The following PIK3CG variants were observed in gnomAD, a reference collection of about 807,000 sequenced individuals.
PIK3CG encodes the protein phosphatidylinositol 4,5-bisphosphate 3-kinase catalytic subunit gamma isoform.
In PIK3CG, 55 loss-of-function variants were observed where a neutral mutation model predicts 102.3. The observed-to-expected ratio is 0.54, with a 90% CI of 0.43 to 0.67. PIK3CG has a LOEUF of 0.67. Ranked by LOEUF, PIK3CG falls within the 30% of genes least tolerant of loss-of-function variation. The pLI is 0.00. For missense variants in PIK3CG, 1,258 were observed against 1,391.8 expected (o/e 0.90, Z 1.53); for synonymous variants, 552 against 540.0 (o/e 1.02, Z -0.31).
At position 106,884,778 on chromosome 7, in the gene PIK3CG, G is replaced by A. The variant is rs545748450; in HGVS notation, c.2872+512G>A. On this transcript the variant is annotated intron_variant, in intron 9 of 10. Coordinates refer to ENST00000496166, the MANE Select transcript of PIK3CG (RefSeq NM_001282426.2). This position sits in a 1 kb window ranked among gnomAD's most constrained non-coding sequence, Gnocchi z 4.2. ...TCAATTTTCACTTGCCACTCACTGA[G>A]AGGGTTTTGATATGTAAGGAATTGA... 6.6e-6 allele frequency among the ~76,000 whole-genome samples: 1 copy of A among 152,234 alleles called. No individual in the cohort carries two copies. The highest frequency in any genetic ancestry group is 2.4e-5 in the African/African-American group (1 of 41,526).
In PIK3CG at chr7:106,903,807, G is replaced by A. The variant is rs1791621014; in HGVS notation, c.3031-1302G>A. 6.6e-6 allele frequency among the ~76,000 whole-genome samples: 1 copy of A among 151,132 alleles called. No homozygotes were observed. The highest frequency in any genetic ancestry group is 2.1e-4 in the South Asian group (1 of 4,754). On this transcript the variant is annotated intron_variant, in intron 10 of 10. Transcript: ENST00000496166. This position sits in a 1 kb window ranked among gnomAD's most constrained non-coding sequence, Gnocchi z 4.3. ...AGAGTCTCACTCTGTTGCCTACTTT[G>A]GAGTGCAGTGGAGTGATCTCAGCTC...
rs1321567536 is a variant in PIK3CG, at chr7:106,882,186, A to G, written c.2608A>G (p.Ile870Val). The change falls in exon 7 of 11, where the codon ATT becomes GTT. Residue 870 changes from isoleucine to valine, a missense_variant. Physicochemically the swap from Ile to Val is conservative, Grantham distance 29 (BLOSUM62 3). This residue lies in a region of PIK3CG where 426 missense variants were observed against 604.2 expected (regional missense o/e 0.71). Coordinates refer to ENST00000496166, the MANE Select transcript of PIK3CG (RefSeq NM_001282426.2). ...LDLCLLPYGC[I>V]STGDKIGMIE... ...TCTATGCCTCCTGCCATATGGTTGC[A>G]TTTCAACTGGTGACAAAATAGGTAT... 3.2e-6 allele frequency: 5 copies of G among 1,577,068 alleles called. No homozygotes were observed. Among genetic ancestry groups the G allele is most frequent in the Non-Finnish European group, 4.3e-6 (5 of 1,160,140 alleles).
chr7:106,886,178 C>A lies in PIK3CG; in HGVS notation c.2916C>A (p.Tyr972Ter), dbSNP rs1410344513. 1.2e-6 allele frequency: 2 copies of A among 1,614,058 alleles called. No homozygotes were observed. The highest frequency in any genetic ancestry group is 1.7e-5 in the Admixed American group (1 of 60,016). The change falls in exon 10 of 11, where the codon TAC becomes TAA. Residue 972 changes from tyrosine to a stop codon, truncating the protein, a stop_gained. Coordinates refer to ENST00000496166, the MANE Select transcript of PIK3CG (RefSeq NM_001282426.2). LOFTEE classifies it high-confidence loss of function. Reference protein sequence around the residue: ...HIDFGHILGNYKSFLGINKER... With the variant: ...HIDFGHILGN ...ACTTCGGGCACATTCTTGGGAATTA[C>A]AAAAGTTTCCTGGGCATTAATAAAG...
intron 10 of PIK3CG, among the ~76,000 whole-genome samples, chr7:106,888,084 G>A (rs772801793): frequency 3.3e-5 from 5 of 151,590 alleles, no homozygotes; most frequent in Admixed American, 3.3e-4. Context: ...GGGACTACAC[G>A]TCCGTGCCAC....
In PIK3CG at chr7:106,880,841, G is replaced by A. The variant is rs1443767770; in HGVS notation, c.2538+1176G>A. Reference sequence around the variant, plus strand: ...CTATAGGTGTGCACCACCATACCTGGCAAATTATATTTTTTGTAGAGATGG... The same window carrying A: ...CTATAGGTGTGCACCACCATACCTGACAAATTATATTTTTTGTAGAGATGG... On this transcript the variant is annotated intron_variant, in intron 6 of 10. Coordinates refer to ENST00000496166, the MANE Select transcript of PIK3CG (RefSeq NM_001282426.2). The surrounding 1 kb of genome is among the most constrained non-coding windows in gnomAD (Gnocchi z 4.2). Among the ~76,000 whole-genome samples the A allele has an allele frequency of 6.6e-6, 1 of 151,872 alleles. No homozygotes were observed. The highest frequency in any genetic ancestry group is 2.4e-5 in the African/African-American group (1 of 41,338).
rs1791389287 is a variant in PIK3CG at position 106,895,662 on chromosome 7, A to C, written c.3030+9370A>C. Among the ~76,000 whole-genome samples, 1 of 152,190 alleles carries C rather than the reference A, an allele frequency of 6.6e-6. No homozygotes were observed. Among genetic ancestry groups the C allele is most frequent in the African/African-American group, 2.4e-5 (1 of 41,444 alleles). ...GAGACCTTGTGGGCAGATGGTCTAG[A>C]GGGACAGTGAGCCCCTTAGCGTTGA... On this transcript the variant is annotated intron_variant, in intron 10 of 10. Transcript: ENST00000496166. This position sits in a 1 kb window ranked among gnomAD's most constrained non-coding sequence, Gnocchi z 5.4.
intron 10 of PIK3CG, among the ~76,000 whole-genome samples, chr7:106,888,939 G>A (rs1325008363): frequency 1.3e-5 from 2 of 151,982 alleles, no homozygotes; most frequent in African/African-American, 2.4e-5. Context: ...CTTTTTCTAG[G>A]GATTACTTAA....
rs1790400415 is a variant in PIK3CG at position 106,868,470 on chromosome 7, T to C, written c.909T>C (p.Ile303=). 2 of 1,614,006 alleles carry C rather than the reference T, an allele frequency of 1.2e-6. No individual in the cohort carries two copies. Among genetic ancestry groups the C allele is most frequent in the African/African-American group, 2.7e-5 (2 of 74,902 alleles). Reference sequence around the variant, plus strand: ...ACTGCCTCAAGAACGGAGAAGAGATTCACGTGGTACTGGACACGCCTCCAG... The same window carrying C: ...ACTGCCTCAAGAACGGAGAAGAGATCCACGTGGTACTGGACACGCCTCCAG... ...VRHCLKNGEE[I]HVVLDTPPDP... is the part of the protein sequence containing the mutation. The change falls in exon 2 of 11, where the codon ATT becomes ATC. Residue 303 remains isoleucine, a synonymous_variant. Coordinates refer to ENST00000496166, the MANE Select transcript of PIK3CG (RefSeq NM_001282426.2). This position sits in a 1 kb window ranked among gnomAD's most constrained non-coding sequence, Gnocchi z 6.2.
chr7:106,896,791 G>A (rs2116595578), intron 10 of PIK3CG, among the ~76,000 whole-genome samples: 1 of 152,242 alleles, frequency 6.6e-6, no homozygotes, highest in Admixed American at 6.5e-5. Flanking sequence ...GGCGCTTTAT[G>A]TATATTGTCT....
Position 106,890,797 on chromosome 7 carries a change from TC to T in PIK3CG, c.3030+4507del, listed in dbSNP as rs1476725615. On this transcript the variant is annotated intron_variant, in intron 10 of 10. Transcript: ENST00000496166. The surrounding 1 kb of genome is among the most constrained non-coding windows in gnomAD (Gnocchi z 4.2). The stretch of plus-strand genomic sequence containing the variant: ...GCTAGGCCCTGTGTGAGGCTGTCCC[TC>T]CAGCCTCATGCCACACTGTTCCCCT... Among the ~76,000 whole-genome samples, 1 of 152,218 alleles carries T rather than the reference TC, an allele frequency of 6.6e-6. No individual in the cohort carries two copies. Among genetic ancestry groups the T allele is most frequent in the African/African-American group, 2.4e-5 (1 of 41,464 alleles).
In PIK3CG at chr7:106,899,628, T is replaced by G. The variant is rs574358347; in HGVS notation, c.3031-5481T>G. On this transcript the variant is annotated intron_variant, in intron 10 of 10. Transcript: ENST00000496166. The surrounding 1 kb of genome is among the most constrained non-coding windows in gnomAD (Gnocchi z 4.6). ...TGTGTCTATGGAGATAATCATGTGG[T>G]TTTTGTCTTTAGTTCTTTGTATGTG... Among the ~76,000 whole-genome samples, 377 of 152,280 alleles carry G rather than the reference T, an allele frequency of 2.5e-3. 3 individuals carry two copies. Among genetic ancestry groups the G allele is most frequent in the African/African-American group, 8.4e-3 (349 of 41,568 alleles).
In PIK3CG at chr7:106,907,719, A is replaced by G. The variant is rs1791722157; in HGVS notation, c.*2332A>G. Among the ~76,000 whole-genome samples, 4 of 112,930 alleles carry G rather than the reference A, an allele frequency of 3.5e-5. No homozygotes were observed. In the South Asian group the frequency reaches 1.1e-3, roughly 30 times the overall value. The allele number at this position is 112,930 out of a possible 152,430, so 74.1% of individuals were successfully genotyped here. A position where few individuals can be genotyped will look rare whatever the true frequency, so the allele number is the denominator to read the frequency against. ...TCAAATGAACCAGTTCTTTCATTTCATTATGCTAATATATATATATAACAT... is the reference window on the plus strand; with the variant it reads ...TCAAATGAACCAGTTCTTTCATTTCGTTATGCTAATATATATATATAACAT... On this transcript the variant is annotated 3_prime_UTR_variant, in exon 11 of 11. Transcript: ENST00000496166.
Position 106,884,646 on chromosome 7 carries a change from G to A in PIK3CG, c.2872+380G>A, listed in dbSNP as rs1325439200. 6.6e-6 allele frequency among the ~76,000 whole-genome samples: 1 copy of A among 152,170 alleles called. No homozygotes were observed. Among genetic ancestry groups the A allele is most frequent in the Non-Finnish European group, 1.5e-5 (1 of 68,034 alleles). Reference sequence around the variant, plus strand: ...TTGGAAGACACCTTTTCCACGGACAGGGGTGGGGGAGCAAGGATGGTTTCA... The same window carrying A: ...TTGGAAGACACCTTTTCCACGGACAAGGGTGGGGGAGCAAGGATGGTTTCA... On this transcript the variant is annotated intron_variant, in intron 9 of 10. Transcript: ENST00000496166. The surrounding 1 kb of genome is among the most constrained non-coding windows in gnomAD (Gnocchi z 4.2).
At chr7:106,873,793 A>G (rs1207701761) in intron 4 of PIK3CG, among the ~76,000 whole-genome samples, 1 of 152,002 alleles carries the variant, frequency 6.6e-6, no homozygotes, top group Non-Finnish European at 1.5e-5. Flanking sequence ...GCTGTTTCCA[A>G]TATCTTATTC....
Position 106,891,384 on chromosome 7 carries a change from C to A in PIK3CG, c.3030+5092C>A, listed in dbSNP as rs953133657. On this transcript the variant is annotated intron_variant, in intron 10 of 10. Transcript: ENST00000496166. This position sits in a 1 kb window ranked among gnomAD's most constrained non-coding sequence, Gnocchi z 4.4. ...AATCCAACTGTGAAATCTAATGTTT[C>A]ATTAAATAATACAAATATGTGAGTG... 2.0e-5 allele frequency among the ~76,000 whole-genome samples: 3 copies of A among 152,174 alleles called. No individual in the cohort carries two copies. The highest frequency in any genetic ancestry group is 7.2e-5 in the African/African-American group (3 of 41,430).
chr7:106,877,075 A>G lies in PIK3CG; in HGVS notation c.2391+2272A>G, dbSNP rs1009579892. 3.9e-5 allele frequency among the ~76,000 whole-genome samples: 6 copies of G among 152,178 alleles called. No individual in the cohort carries two copies. The highest frequency in any genetic ancestry group is 7.3e-5 in the Non-Finnish European group (5 of 68,030). On this transcript the variant is annotated intron_variant, in intron 5 of 10. Transcript: ENST00000496166. The surrounding 1 kb of genome is among the most constrained non-coding windows in gnomAD (Gnocchi z 4.5). ...ATAGCCGGGCATGGTGGCACGTGCCATAGTCCCCACTACTTGGAAGGCTGT... is the reference window on the plus strand; with the variant it reads ...ATAGCCGGGCATGGTGGCACGTGCCGTAGTCCCCACTACTTGGAAGGCTGT...
At chr7:106,886,392 C>T (rs1450216953) in intron 10 of PIK3CG, 100 bp downstream of exon 10, 2 of 1,136,172 alleles carry the variant, frequency 1.8e-6, no homozygotes, top group Non-Finnish European at 2.5e-6. Context: ...GGAGGCCAGT[C>T]CAGCCTCTAC....
chr7:106,904,945 A>G (rs1791649665), intron 10 of PIK3CG, among the ~76,000 whole-genome samples, 164 bp from the exon 11 acceptor site: 1 of 152,244 alleles, frequency 6.6e-6, no homozygotes, highest in Middle Eastern at 3.2e-3. Context: ...TTAAGAGATT[A>G]TAAAAACAGT....
At position 106,880,060 on chromosome 7, in the gene PIK3CG, A is replaced by G. The variant is rs143458215; in HGVS notation, c.2538+395A>G. On this transcript the variant is annotated intron_variant, in intron 6 of 10. Transcript: ENST00000496166. The surrounding 1 kb of genome is among the most constrained non-coding windows in gnomAD (Gnocchi z 4.2). Reference sequence around the variant, plus strand: ...CTTTTAGATACATCTCCTCTGATGCACATAAACAAATCAAGCAAATGATTT... The same window carrying G: ...CTTTTAGATACATCTCCTCTGATGCGCATAAACAAATCAAGCAAATGATTT... Among the ~76,000 whole-genome samples the G allele has an allele frequency of 9.4e-4, 143 of 152,374 alleles. No homozygotes were observed. The highest frequency in any genetic ancestry group is 3.3e-3 in the African/African-American group (137 of 41,592).
Sources: allele counts gnomAD v4.1 joint callset (sites outside exome capture counted in the v4.1 genomes callset), GRCh38; gene constraint gnomAD v4.1.1; regional missense constraint gnomAD v4.1.1; non-coding constraint Gnocchi (gnomAD v3.1); transcripts MANE v1.5; gene names NCBI Gene and HGNC (gene_info 2026-07-23, HGNC 2026-07-21).